PHLPP2: variants seen among roughly 807,000 people sequenced by gnomAD.
PHLPP2 encodes the protein PH domain leucine-rich repeat-containing protein phosphatase 2.
Under a neutral mutation model 124.9 loss-of-function variants are expected in PHLPP2, and 66 were observed. That is an observed-to-expected ratio of 0.53 (90% CI 0.43 to 0.65). The LOEUF (loss-of-function observed/expected upper bound fraction) is 0.65, where lower values mean the gene tolerates loss of function less well. Among genes scored for constraint, PHLPP2 ranks in the 30% least tolerant of loss-of-function variants. PHLPP2 has a pLI of 0.00. For synonymous variants in PHLPP2, 681 were observed against 624.7 expected, an observed-to-expected ratio of 1.09 and a Z score of -1.34; for missense variants, 1,685 against 1,600.4, an observed-to-expected ratio of 1.05 and a Z score of -0.90.
chr16:71,695,581 C>T (rs1463964685), intron 3 of PHLPP2, among the ~76,000 whole-genome samples: 1 of 151,996 alleles, frequency 6.6e-6, no homozygotes, highest in African/African-American at 2.4e-5. Context: ...TGGTGGTAAG[C>T]CACCTGTAAT....
At chr16:71,679,655 A>C in intron 6 of PHLPP2, 120 bp from the exon 7 acceptor site, 1 of 828,380 alleles carries the variant, frequency 1.2e-6, no homozygotes, top group Non-Finnish European at 1.9e-6. Flanking sequence ...TTTATTCCAA[A>C]AATACTTATT....
rs75664850 is a variant in PHLPP2 at position 71,678,670 on chromosome 16, T to C, written c.1268+85A>G. The C allele has an allele frequency of 2.1e-3, 1,686 of 784,618 alleles. 26 individuals are homozygous for C. In the African/African-American group the frequency reaches 0.022, roughly 10 times the overall value. The allele number at this position is 784,618 out of a possible 1,614,324, so 48.6% of individuals were successfully genotyped here. A position where few individuals can be genotyped will look rare whatever the true frequency, so the allele number is the denominator to read the frequency against. ...AACAACAAAATTTTAAAAACCCTAA[T>C]GTTTTAAACAAATCTTCATAAACAG... On this transcript the variant is annotated intron_variant, in intron 8 of 18. Transcript: ENST00000568954.
chr16:71,722,730 A>T (rs1359480666), intron 1 of PHLPP2, among the ~76,000 whole-genome samples: 3 of 152,150 alleles, frequency 2.0e-5, no homozygotes, highest in African/African-American at 7.2e-5. Context: ...TCATATCCTG[A>T]ATTCCTCATG....
chr16:71,710,515 C>T (rs1008659225), intron 2 of PHLPP2, among the ~76,000 whole-genome samples: 3 of 152,202 alleles, frequency 2.0e-5, no homozygotes, highest in Non-Finnish European at 4.4e-5. Context: ...TTAGTCAATG[C>T]AACACCAATT....
At chr16:71,720,256 AC>A (rs2045390298) in intron 1 of PHLPP2, among the ~76,000 whole-genome samples, 1 of 151,586 alleles carries the variant, frequency 6.6e-6, no homozygotes, top group Non-Finnish European at 1.5e-5. Context: ...GGCGTGAGCC[AC>A]CGCGCCTGGC....
chr16:71,720,588 G>C (rs1251547063), intron 1 of PHLPP2, among the ~76,000 whole-genome samples: 2 of 152,160 alleles, frequency 1.3e-5, no homozygotes, highest in Non-Finnish European at 2.9e-5. Context: ...AATACGGCCG[G>C]GTGCGGTGGC....
intron 2 of PHLPP2, among the ~76,000 whole-genome samples, chr16:71,713,545 T>C (rs2045337352): frequency 6.6e-6 from 1 of 152,142 alleles, no homozygotes; most frequent in Admixed American, 6.5e-5. Context: ...CTTCTTGTAG[T>C]AGCAAAAAAC....
At position 71,648,899 on chromosome 16, in the gene PHLPP2, T is replaced by C. The variant is rs371375607; in HGVS notation, c.3963A>G (p.Thr1321=). ...DRTEPPEEFD[T]AL ...GTGCCCAGTGGGGCAGTCATAGTGCTGTGTCGAACTCCTCCGGGGGCTCGG... is the reference window on the plus strand; with the variant it reads ...GTGCCCAGTGGGGCAGTCATAGTGCCGTGTCGAACTCCTCCGGGGGCTCGG... The change falls in exon 19 of 19, where the codon ACA becomes ACG. Residue 1321 remains threonine, a synonymous_variant. Transcript: ENST00000568954. 8.1e-6 allele frequency: 13 copies of C among 1,611,602 alleles called. No homozygotes were observed. The highest frequency in any genetic ancestry group is 2.2e-5 in the South Asian group (2 of 90,968).
intron 9 of PHLPP2, among the ~76,000 whole-genome samples, 195 bp from the exon 10 acceptor site, chr16:71,672,517 C>T (rs2044904171): frequency 6.6e-6 from 1 of 152,204 alleles, no homozygotes; most frequent in African/African-American, 2.4e-5. Flanking sequence ...ACAAATGTAA[C>T]AGCTAATTGA....
chr16:71,710,982 T>A (rs1051185255), intron 2 of PHLPP2, among the ~76,000 whole-genome samples: 1 of 152,062 alleles, frequency 6.6e-6, no homozygotes, highest in Non-Finnish European at 1.5e-5. Flanking sequence ...TACAGAGGAA[T>A]ATTCTGTAAC....
In PHLPP2 at chr16:71,678,746, T is replaced by A; in HGVS notation, c.1268+9A>T. ...ATTTAAAGGAAGGTGTGGTAAAGAA[T>A]AACCTTACCTTAAATCCACATGCTT... On this transcript the variant is annotated intron_variant, in intron 8 of 18. Coordinates refer to ENST00000568954, the MANE Select transcript of PHLPP2 (RefSeq NM_015020.3). The A allele has an allele frequency of 7.1e-7, 1 of 1,403,884 alleles. No homozygotes were observed. Among genetic ancestry groups the A allele is most frequent in the Non-Finnish European group, 1.0e-6 (1 of 988,270 alleles). 87.0% of individuals were successfully genotyped at this position (1,403,884 alleles called of 1,614,324 possible).
At position 71,658,673 on chromosome 16, in the gene PHLPP2, G is replaced by A. The variant is rs766164379; in HGVS notation, c.2128C>T (p.Leu710=). 1.2e-6 allele frequency: 2 copies of A among 1,614,160 alleles called. No individual in the cohort carries two copies. The highest frequency in any genetic ancestry group is 1.1e-5 in the South Asian group (1 of 91,064). ...AGTACCTGGATCTGAGGCAACTGCA[G>A]TATTTCTGGGAAAATGCTGATGTTG... ...SNNISIFPEI[L]QLPQIQFVDL... The change falls in exon 14 of 19, where the codon CTG becomes TTG. Residue 710 remains leucine, a synonymous_variant. Transcript: ENST00000568954.
chr16:71,675,820 C>G (rs1285887384), intron 9 of PHLPP2, among the ~76,000 whole-genome samples: 1 of 152,158 alleles, frequency 6.6e-6, no homozygotes, highest in Non-Finnish European at 1.5e-5. Context: ...GCCTTCCAGG[C>G]TCAAGTGATC....
At chr16:71,667,154 C>G in intron 12 of PHLPP2, 24 bp downstream of exon 12, 1 of 1,598,154 alleles carries the variant, frequency 6.3e-7, no homozygotes, top group African/African-American at 1.3e-5. Flanking sequence ...TCTGCTCTTC[C>G]GAAAAAAATC....
At chr16:71,692,122 T>G (rs1294322916) in intron 3 of PHLPP2, among the ~76,000 whole-genome samples, 2 of 151,812 alleles carry the variant, frequency 1.3e-5, no homozygotes, top group East Asian at 1.9e-4. Context: ...CAGGTTGGAG[T>G]GCAGTGGCGC....
chr16:71,672,188 C>T, intron 10 of PHLPP2, 74 bp downstream of exon 10: 2 of 1,102,756 alleles, frequency 1.8e-6, no homozygotes, highest in East Asian at 2.4e-5. Context: ...TCTTGTACAT[C>T]AAAACTGCCA....
chr16:71,651,256 T>G (rs545477898), intron 18 of PHLPP2, among the ~76,000 whole-genome samples: 18 of 152,044 alleles, frequency 1.2e-4, no homozygotes, highest in African/African-American at 3.9e-4. Flanking sequence ...GAGAATCGCT[T>G]GAACCTGGGA....
intron 18 of PHLPP2, 47 bp from the exon 19 acceptor site, chr16:71,650,091 A>G: frequency 6.9e-7 from 1 of 1,442,612 alleles, no homozygotes; most frequent in Non-Finnish European, 9.5e-7. Context: ...CAACGATGAG[A>G]GCCAACTTAT....
At chr16:71,653,074 T>C (rs1297751448) in intron 17 of PHLPP2, 53 bp from the exon 18 acceptor site, 2 of 1,131,116 alleles carry the variant, frequency 1.8e-6, no homozygotes, top group Admixed American at 3.6e-5. Context: ...TAGAAGAAAG[T>C]GGTGGTCCTG....
Sources: allele counts gnomAD v4.1 joint callset (sites outside exome capture counted in the v4.1 genomes callset), GRCh38; gene constraint gnomAD v4.1.1; transcripts MANE v1.5; gene names NCBI Gene and HGNC (gene_info 2026-07-23, HGNC 2026-07-21).